Variants in GRAMD1B observed in about 807,000 individuals in gnomAD.
GRAMD1B encodes protein Aster-B.
Under a neutral mutation model 99.7 loss-of-function variants are expected in GRAMD1B, and 37 were observed. The observed-to-expected ratio is 0.37, with a 90% CI of 0.29 to 0.49. The LOEUF (loss-of-function observed/expected upper bound fraction) is 0.49. Ranked by LOEUF, GRAMD1B falls within the 20% of genes least tolerant of loss-of-function variation. The pLI, the probability that GRAMD1B is intolerant of heterozygous loss-of-function variation, is 0.98. For synonymous variants in GRAMD1B, 427 were observed against 387.6 expected (o/e 1.10, Z -1.19); for missense variants, 888 against 1,009.2 (o/e 0.88, Z 1.63).
intron 2 of GRAMD1B, among the ~76,000 whole-genome samples, chr11:123,484,646 T>C (rs770654240): frequency 6.6e-6 from 1 of 152,154 alleles, no homozygotes; most frequent in Non-Finnish European, 1.5e-5. Flanking sequence ...ATGCTTCCTC[T>C]GGTGGTCCCT....
chr11:123,461,635 G>A lies in GRAMD1B; in HGVS notation c.375-19181G>A, dbSNP rs551954158. Among the ~76,000 whole-genome samples, 27 of 152,252 alleles carry A rather than the reference G, an allele frequency of 1.8e-4. No homozygotes were observed. In the South Asian group the frequency reaches 3.9e-3, roughly 22 times the overall value. ...TTGTTTTGTTTTGAGACAGAGTTTC[G>A]TTCTTGTTGCCCAGGCTGCAGTGCA... On this transcript the variant is annotated intron_variant, in intron 1 of 19. Coordinates refer to ENST00000635736, the MANE Select transcript of GRAMD1B (RefSeq NM_001387025.1).
rs559602256 is a variant in GRAMD1B, at chr11:123,560,947, C to G, written c.453-16420C>G. 3.0e-3 allele frequency among the ~76,000 whole-genome samples: 453 copies of G among 152,212 alleles called. 2 individuals carry two copies. Among genetic ancestry groups the G allele is most frequent in the African/African-American group, 0.01 (433 of 41,522 alleles). On this transcript the variant is annotated intron_variant, in intron 2 of 19. Transcript: ENST00000635736. The stretch of plus-strand genomic sequence containing the variant: ...GCTTCTGTTTTCTGTTCTGGGGATC[C>G]GAAAGCAGCCAGTGTGACATCATGC...
intron 2 of GRAMD1B, among the ~76,000 whole-genome samples, chr11:123,535,950 A>C (rs991739269): frequency 6.6e-6 from 1 of 152,158 alleles, no homozygotes; most frequent in Non-Finnish European, 1.5e-5. Flanking sequence ...GCTTCTCAGC[A>C]GGTGCCTCGT....
intron 1 of GRAMD1B, among the ~76,000 whole-genome samples, chr11:123,417,185 C>A (rs1028214106): frequency 7.9e-5 from 12 of 152,050 alleles, no homozygotes; most frequent in Non-Finnish European, 1.3e-4. Flanking sequence ...CCATTCTGGC[C>A]AACATGGTGA....
At chr11:123,406,963 C>A (rs1207900878) in intron 1 of GRAMD1B, among the ~76,000 whole-genome samples, 1 of 152,210 alleles carries the variant, frequency 6.6e-6, no homozygotes, top group African/African-American at 2.4e-5. Flanking sequence ...GATCCCTGCA[C>A]CTGTGGTATT....
chr11:123,371,722 T>C (rs1946535099), intron 1 of GRAMD1B, among the ~76,000 whole-genome samples: 1 of 152,230 alleles, frequency 6.6e-6, no homozygotes, highest in Non-Finnish European at 1.5e-5. Flanking sequence ...AAAGGATCTT[T>C]CTGTCATGCA....
At chr11:123,576,289 C>A (rs549567526) in intron 2 of GRAMD1B, among the ~76,000 whole-genome samples, 1 of 152,220 alleles carries the variant, frequency 6.6e-6, no homozygotes, top group Non-Finnish European at 1.5e-5. Flanking sequence ...GTTCCTGAAG[C>A]CTGACCCAGC....
At chr11:123,416,276 A>G (rs1390944177) in intron 1 of GRAMD1B, among the ~76,000 whole-genome samples, 1 of 152,128 alleles carries the variant, frequency 6.6e-6, no homozygotes, top group Non-Finnish European at 1.5e-5. Context: ...TTTAACTTCT[A>G]TTGGGTGTGA....
At chr11:123,403,153 G>A (rs987225351) in intron 1 of GRAMD1B, among the ~76,000 whole-genome samples, 1 of 152,034 alleles carries the variant, frequency 6.6e-6, no homozygotes, top group East Asian at 1.9e-4. Flanking sequence ...GGCCGGGCAC[G>A]GAGGCTCACG....
rs112292104 is a variant in GRAMD1B, at chr11:123,468,028, A to AT, written c.375-12781dup. 9.0e-3 allele frequency among the ~76,000 whole-genome samples: 1,368 copies of AT among 151,642 alleles called. 21 individuals are homozygous for AT. The highest frequency in any genetic ancestry group is 0.03 in the African/African-American group (1,254 of 41,316). ...ACAGGCATGCCCACCACACTCAGCT[A>AT]TTTTTTTGTATTTTTAGTAGAGACA... is the stretch of plus-strand genomic sequence containing the variant. On this transcript the variant is annotated intron_variant, in intron 1 of 19. Coordinates refer to ENST00000635736, the MANE Select transcript of GRAMD1B (RefSeq NM_001387025.1).
At chr11:123,502,227 G>C (rs769435605) in intron 2 of GRAMD1B, among the ~76,000 whole-genome samples, 5 of 152,212 alleles carry the variant, frequency 3.3e-5, no homozygotes, top group Non-Finnish European at 5.9e-5. Context: ...TGGCCTGCAT[G>C]CAGTGATGTC....
intron 2 of GRAMD1B, among the ~76,000 whole-genome samples, chr11:123,523,082 A>C (rs1942352606): frequency 6.6e-6 from 1 of 152,212 alleles, no homozygotes; most frequent in South Asian, 2.1e-4. Context: ...CTGTAATCCC[A>C]ATACTTTGGG....
At chr11:123,595,888 C>CT (rs1457582088) in intron 6 of GRAMD1B, 54 bp from the exon 7 acceptor site, 1 of 984,154 alleles carries the variant, frequency 1.0e-6, no homozygotes, top group Non-Finnish European at 1.6e-6. Flanking sequence ...GTTTACCTGA[C>CT]TTACTAATGC....
At chr11:123,502,790 A>AAAAAG (rs1555046188) in intron 2 of GRAMD1B, among the ~76,000 whole-genome samples, 2 of 151,558 alleles carry the variant, frequency 1.3e-5, no homozygotes, top group East Asian at 1.9e-4. Context: ...AAAAAAAAAA[A>AAAAAG]AAAGAAAGAA....
intron 1 of GRAMD1B, among the ~76,000 whole-genome samples, chr11:123,375,050 C>T (rs1295486407): frequency 6.6e-6 from 1 of 152,074 alleles, no homozygotes; most frequent in African/African-American, 2.4e-5. Context: ...TACTATGTGC[C>T]AAACACTTTG....
chr11:123,387,708 C>T (rs1450193143), intron 1 of GRAMD1B, among the ~76,000 whole-genome samples: 1 of 151,478 alleles, frequency 6.6e-6, no homozygotes, highest in African/African-American at 2.4e-5. Flanking sequence ...TCAGCCTGCC[C>T]CTGCCCTCCC....
intron 16 of GRAMD1B, among the ~76,000 whole-genome samples, chr11:123,614,093 C>T (rs373170043): frequency 3.3e-5 from 5 of 152,140 alleles, no homozygotes; most frequent in African/African-American, 7.2e-5. Flanking sequence ...CCTCTCAGGC[C>T]GTGGACTCCC....
At chr11:123,369,586 G>T (rs887461787) in intron 1 of GRAMD1B, among the ~76,000 whole-genome samples, 5 of 151,866 alleles carry the variant, frequency 3.3e-5, no homozygotes, top group Admixed American at 6.6e-5. Flanking sequence ...ACCCTATAAA[G>T]TGTGGCCAGG....
chr11:123,417,508 TCACTCCA>T (rs1220026916), intron 1 of GRAMD1B, among the ~76,000 whole-genome samples: 1 of 152,238 alleles, frequency 6.6e-6, no homozygotes, highest in Non-Finnish European at 1.5e-5. Flanking sequence ...AAGTCTGAAA[TCACTCCA>T]CACTGGGGGA....
Sources: gnomAD v4.1 joint callset for allele counts (sites outside exome capture counted in the v4.1 genomes callset) on GRCh38, gnomAD v4.1.1 for gene constraint, MANE v1.5 for transcripts, NCBI Gene and HGNC (gene_info 2026-07-23, HGNC 2026-07-21) for gene names.